The following ATF2 variants were observed in gnomAD, a reference collection of about 807,000 sequenced individuals.
ATF2 encodes the protein activating transcription factor 2.
In ATF2, 24 loss-of-function variants were observed where a neutral mutation model predicts 60.6. The ratio of observed to expected loss-of-function variants is 0.40; its 90% CI spans 0.29 to 0.56. ATF2 has a LOEUF of 0.56. Ranked by LOEUF, ATF2 falls within the 20% of genes least tolerant of loss-of-function variation. ATF2 has a pLI of 0.54. For synonymous variants in ATF2, 206 were observed against 215.4 expected (o/e 0.96, Z 0.38); for missense variants, 433 against 607.7 (o/e 0.71, Z 3.02).
chr2:175,108,907 C>A (rs540836183), intron 10 of ATF2, among the ~76,000 whole-genome samples: 18 of 152,192 alleles, frequency 1.2e-4, no homozygotes, highest in African/African-American at 3.9e-4. Context: ...TGTGCTGTGT[C>A]CACTCAGGGT....
At chr2:175,083,562 A>T (rs1223174229) in intron 12 of ATF2, among the ~76,000 whole-genome samples, 1 of 152,198 alleles carries the variant, frequency 6.6e-6, no homozygotes, top group East Asian at 1.9e-4. Context: ...CCTAGGCATT[A>T]CCATTCAGGA....
intron 13 of ATF2, among the ~76,000 whole-genome samples, chr2:175,075,817 C>A (rs1693251880): frequency 6.6e-6 from 1 of 152,150 alleles, no homozygotes; most frequent in South Asian, 2.1e-4. Flanking sequence ...TGCAGTTTTA[C>A]CACATAGGCA....
intron 3 of ATF2, among the ~76,000 whole-genome samples, chr2:175,130,558 A>G (rs565215366): frequency 6.6e-6 from 1 of 152,272 alleles, no homozygotes; most frequent in Non-Finnish European, 1.5e-5. Context: ...CTGTACTGTT[A>G]TGAAAATAAT....
intron 5 of ATF2, among the ~76,000 whole-genome samples, chr2:175,119,088 G>A (rs1314948126): frequency 2.6e-5 from 4 of 151,550 alleles, no homozygotes; most frequent in Non-Finnish European, 5.9e-5. Flanking sequence ...ACTCGAATAT[G>A]TACTCCTACT....
At chr2:175,152,024 C>CG (rs1559119299) in intron 1 of ATF2, among the ~76,000 whole-genome samples, 1 of 151,992 alleles carries the variant, frequency 6.6e-6, no homozygotes, top group African/African-American at 2.4e-5. Context: ...CCATAGCTAT[C>CG]GGGGGGATAG....
At chr2:175,140,061 G>T (rs1181710615) in intron 2 of ATF2, among the ~76,000 whole-genome samples, 1 of 152,162 alleles carries the variant, frequency 6.6e-6, no homozygotes, top group East Asian at 1.9e-4. Flanking sequence ...AGGAAATCAG[G>T]AATAAATTTA....
At chr2:175,099,601 A>G (rs1288459962) in intron 10 of ATF2, among the ~76,000 whole-genome samples, 7 of 152,184 alleles carry the variant, frequency 4.6e-5, no homozygotes, top group South Asian at 2.1e-4. Flanking sequence ...GGAAACATAC[A>G]TTGTATAGCC....
intron 12 of ATF2, among the ~76,000 whole-genome samples, chr2:175,084,551 G>C (rs1212231118): frequency 6.8e-6 from 1 of 146,586 alleles, no homozygotes; most frequent in Non-Finnish European, 1.5e-5. Context: ...GCTAAATGAC[G>C]AGTTAATGGG....
chr2:175,163,167 AT>A (rs1700128998), intron 1 of ATF2, among the ~76,000 whole-genome samples: 1 of 26,726 alleles, frequency 3.7e-5, no homozygotes, highest in East Asian at 0.013. Flanking sequence ...AAATAAATAA[AT>A]AAATAAATAA....
At chr2:175,130,639 C>A (rs1697663570) in intron 3 of ATF2, among the ~76,000 whole-genome samples, 1 of 152,080 alleles carries the variant, frequency 6.6e-6, no homozygotes, top group Admixed American at 6.5e-5. Flanking sequence ...AACATTTCTA[C>A]CTAAATATGC....
intron 13 of ATF2, among the ~76,000 whole-genome samples, chr2:175,076,700 G>T (rs1047353868): frequency 1.3e-5 from 2 of 150,234 alleles, no homozygotes; most frequent in African/African-American, 4.9e-5. Context: ...CAGTTTAACT[G>T]GAGGGAATAC....
chr2:175,088,568 C>T (rs909927465), intron 12 of ATF2, among the ~76,000 whole-genome samples: 1 of 151,860 alleles, frequency 6.6e-6, no homozygotes, highest in Non-Finnish European at 1.5e-5. Context: ...TTGGTGCAAA[C>T]GGAATCACAG....
At chr2:175,151,257 G>T (rs1275767852) in intron 1 of ATF2, 99 bp from the exon 2 acceptor site, 2 of 151,982 alleles carry the variant, frequency 1.3e-5, no homozygotes, top group Non-Finnish European at 2.9e-5. Context: ...TTTTAAAAAT[G>T]TTTTCTTAAT....
intron 3 of ATF2, 47 bp from the exon 4 acceptor site, chr2:175,130,254 G>A: frequency 8.4e-7 from 1 of 1,193,816 alleles, no homozygotes; most frequent in Non-Finnish European, 1.1e-6. Context: ...TTAAAATAAA[G>A]AATAATTTAA....
At chr2:175,131,017 C>A (rs59292662) in intron 3 of ATF2, among the ~76,000 whole-genome samples, 2 of 151,970 alleles carry the variant, frequency 1.3e-5, no homozygotes, top group African/African-American at 4.8e-5. Flanking sequence ...TTTAGGAAAC[C>A]CATGCTGGTT....
chr2:175,102,495 G>T (rs891612556), intron 10 of ATF2, among the ~76,000 whole-genome samples: 2 of 152,112 alleles, frequency 1.3e-5, no homozygotes, highest in African/African-American at 4.8e-5. Context: ...TTTAAGGTGG[G>T]GTGTGATGGC....
chr2:175,107,926 C>A (rs1695806375), intron 10 of ATF2, among the ~76,000 whole-genome samples: 1 of 152,192 alleles, frequency 6.6e-6, no homozygotes, highest in Non-Finnish European at 1.5e-5. Flanking sequence ...ACAACCTCCA[C>A]CTCCCAGCCG....
chr2:175,144,155 T>C (rs1463249577), intron 2 of ATF2, among the ~76,000 whole-genome samples: 13 of 152,172 alleles, frequency 8.5e-5, no homozygotes, highest in Admixed American at 7.9e-4. Flanking sequence ...ATATAGAATA[T>C]AGGCTTTTTC....
chr2:175,104,860 T>C (rs1276773259), intron 10 of ATF2, among the ~76,000 whole-genome samples: 1 of 152,212 alleles, frequency 6.6e-6, no homozygotes. Flanking sequence ...AATAACACGT[T>C]ACCCTTGGAC....
Sources: allele counts gnomAD v4.1 joint callset (sites outside exome capture counted in the v4.1 genomes callset), GRCh38; gene constraint gnomAD v4.1.1; transcripts MANE v1.5; gene names NCBI Gene and HGNC (gene_info 2026-07-23, HGNC 2026-07-21).